SMAP1: variants seen among roughly 807,000 people sequenced by gnomAD.
SMAP1 encodes stromal membrane-associated protein 1.
A neutral mutation model predicts 58.5 loss-of-function variants in SMAP1; 24 were observed. The ratio of observed to expected loss-of-function variants is 0.41; its 90% CI spans 0.30 to 0.58. The LOEUF (loss-of-function observed/expected upper bound fraction) is 0.58, where lower values mean the gene tolerates loss of function less well. Among genes scored for constraint, SMAP1 ranks in the 20% least tolerant of loss-of-function variants. SMAP1 has a pLI of 0.29. For missense variants in SMAP1, 563 were observed against 566.3 expected (o/e 0.99, Z 0.06); for synonymous variants, 216 against 196.6 (o/e 1.10, Z -0.82).
At chr6:70,744,569 T>A (rs1432309983) in intron 2 of SMAP1, among the ~76,000 whole-genome samples, 3 of 152,196 alleles carry the variant, frequency 2.0e-5, no homozygotes, top group Non-Finnish European at 4.4e-5. Flanking sequence ...ATCCAGTCTA[T>A]CATTGATGGA....
At chr6:70,787,762 A>G (rs1768127928) in intron 4 of SMAP1, among the ~76,000 whole-genome samples, 1 of 151,842 alleles carries the variant, frequency 6.6e-6, no homozygotes, top group Non-Finnish European at 1.5e-5. Flanking sequence ...ACCGTCTCAC[A>G]CCAGTTAGAA....
chr6:70,774,883 C>A (rs906058065), intron 4 of SMAP1, among the ~76,000 whole-genome samples: 8 of 151,794 alleles, frequency 5.3e-5, no homozygotes, highest in African/African-American at 1.9e-4. Context: ...CCCAGTGGTG[C>A]ATGCCTGTAA....
At chr6:70,789,724 C>CA (rs35376781) in intron 4 of SMAP1, among the ~76,000 whole-genome samples, 31,205 of 73,278 alleles carry the variant, frequency 0.43, 5,933 homozygotes, top group South Asian at 0.5. Context: ...GACTCTGTCT[C>CA]AAAAAAAAAA....
At chr6:70,823,197 A>T (rs1180342272) in intron 6 of SMAP1, among the ~76,000 whole-genome samples, 1 of 152,170 alleles carries the variant, frequency 6.6e-6, no homozygotes, top group Non-Finnish European at 1.5e-5. Flanking sequence ...TAATGTTTTA[A>T]TGAAAGCTAG....
intron 1 of SMAP1, among the ~76,000 whole-genome samples, chr6:70,730,031 A>G (rs1765361538): frequency 6.6e-6 from 1 of 152,122 alleles, no homozygotes; most frequent in African/African-American, 2.4e-5. Context: ...CTGATCTAGA[A>G]TTCACTGTGC....
chr6:70,700,601 ACTT>A (rs1226324929), intron 1 of SMAP1, among the ~76,000 whole-genome samples: 1 of 152,138 alleles, frequency 6.6e-6, no homozygotes, highest in Non-Finnish European at 1.5e-5. Flanking sequence ...CCCAGCCTAA[ACTT>A]CTTTTCTTTG....
chr6:70,671,434 A>T (rs954405991), intron 1 of SMAP1, among the ~76,000 whole-genome samples: 7 of 152,172 alleles, frequency 4.6e-5, no homozygotes, highest in Non-Finnish European at 1.0e-4. Flanking sequence ...TTAGCCAGGC[A>T]TGGTGGCAGG....
At chr6:70,783,614 G>C (rs1000295837) in intron 4 of SMAP1, among the ~76,000 whole-genome samples, 49 of 152,340 alleles carry the variant, frequency 3.2e-4, no homozygotes, top group African/African-American at 1.1e-3. Context: ...TAAAGGAGCT[G>C]ATGGAGCTGA....
intron 6 of SMAP1, among the ~76,000 whole-genome samples, chr6:70,812,025 A>G (rs188297387): frequency 1.3e-5 from 2 of 152,198 alleles, no homozygotes; most frequent in African/African-American, 2.4e-5. Context: ...ACAATATTTC[A>G]TCATGTTACT....
chr6:70,726,319 A>C (rs1768782479), intron 1 of SMAP1, among the ~76,000 whole-genome samples: 2 of 152,178 alleles, frequency 1.3e-5, no homozygotes, highest in South Asian at 4.1e-4. Context: ...GACTGCTTAA[A>C]TTTTTATACC....
intron 1 of SMAP1, among the ~76,000 whole-genome samples, chr6:70,690,690 A>T (rs529886047): frequency 5.8e-4 from 77 of 131,728 alleles, no homozygotes; most frequent in African/African-American, 2.0e-3. Context: ...TGTATCTTTT[A>T]TATATATATA....
chr6:70,777,619 C>T (rs886416173), intron 4 of SMAP1, among the ~76,000 whole-genome samples: 3 of 151,986 alleles, frequency 2.0e-5, no homozygotes, highest in Non-Finnish European at 2.9e-5. Context: ...TTGATGTAGT[C>T]CCATTTTTCT....
At chr6:70,668,691 G>T in intron 1 of SMAP1, 1 of 1,536,066 alleles carries the variant, frequency 6.5e-7, no homozygotes, top group Non-Finnish European at 8.7e-7. Context: ...TCTGCTTCCT[G>T]AAAAAGAGTA....
At position 70,857,990 on chromosome 6, in the gene SMAP1, T is replaced by C; in HGVS notation, c.1030T>C (p.Ser344Pro). 6.2e-7 allele frequency: 1 copy of C among 1,614,154 alleles called. No individual in the cohort carries two copies. Among genetic ancestry groups the C allele is most frequent in the Non-Finnish European group, 8.5e-7 (1 of 1,179,996 alleles). ...ACCAGCTGCATTTCAGGGCTTTCCA[T>C]CGATGGGCGTGCCTGTGCCTGCAGC... ...QAPAAFQGFP[S>P]MGVPVPAAPG... The change falls in exon 10 of 11, where the codon TCG (serine) becomes CCG (proline). Residue 344 changes from serine (S) to proline (P), a missense_variant. Physicochemically the swap from Ser to Pro is moderately conservative, Grantham distance 74. This residue lies in a region of SMAP1 where 494 missense variants were observed against 473.8 expected (regional missense o/e 1.04). Coordinates refer to ENST00000370455, the MANE Select transcript of SMAP1 (RefSeq NM_001044305.3).
Position 70,749,845 on chromosome 6 carries a change from C to G in SMAP1, c.253-5135C>G, listed in dbSNP as rs146648470. ...AAGAAGCCACATTTATGAGGCTTAG[C>G]CACTGAGCATGGAATGGACTGTATT... On this transcript the variant is annotated intron_variant, in intron 2 of 10. Transcript: ENST00000370455. Among the ~76,000 whole-genome samples, 25 of 152,288 alleles carry G rather than the reference C, an allele frequency of 1.6e-4. No individual in the cohort carries two copies. The East Asian group carries it at 4.8e-3, about 29-fold the overall frequency.
chr6:70,728,657 C>T (rs1383685444), intron 1 of SMAP1, among the ~76,000 whole-genome samples: 2 of 152,172 alleles, frequency 1.3e-5, no homozygotes, highest in African/African-American at 4.8e-5. Context: ...GAGTAGATGC[C>T]TATTGTGGCA....
intron 2 of SMAP1, among the ~76,000 whole-genome samples, chr6:70,750,253 C>A (rs1582110731): frequency 6.6e-6 from 1 of 152,238 alleles, no homozygotes; most frequent in South Asian, 2.1e-4. Flanking sequence ...ATTTACAGTA[C>A]TGTTAAAAAT....
chr6:70,788,491 A>G (rs550050759), intron 4 of SMAP1, among the ~76,000 whole-genome samples: 1 of 152,106 alleles, frequency 6.6e-6, no homozygotes, highest in Non-Finnish European at 1.5e-5. Flanking sequence ...CTTACATATT[A>G]GGGAAATATT....
intron 1 of SMAP1, among the ~76,000 whole-genome samples, chr6:70,682,343 C>T (rs1465653359): frequency 6.6e-6 from 1 of 151,826 alleles, no homozygotes; most frequent in African/African-American, 2.4e-5. Context: ...CGCCCACCAC[C>T]ACGCCCAGCT....
Sources: allele counts gnomAD v4.1 joint callset (sites outside exome capture counted in the v4.1 genomes callset), GRCh38; gene constraint gnomAD v4.1.1; regional missense constraint gnomAD v4.1.1; transcripts MANE v1.5; gene names NCBI Gene and HGNC (gene_info 2026-07-23, HGNC 2026-07-21).